CNIH3: variants seen among roughly 807,000 people sequenced by gnomAD.
CNIH3 encodes the protein protein cornichon homolog 3.
CNIH3 carries 14 observed loss-of-function variants against 24.1 expected under a neutral mutation model. That is an observed-to-expected ratio of 0.58 (90% confidence interval 0.38 to 0.91). CNIH3 has a LOEUF of 0.91. Among genes scored for constraint, CNIH3 ranks in the 40% least tolerant of loss-of-function variants. The probability of loss-of-function intolerance (pLI) is 0.00; values close to 1 mark genes in which losing one functional copy is unlikely to be tolerated. For missense variants in CNIH3, 178 were observed against 196.8 expected (o/e 0.90, Z 0.57); for synonymous variants, 68 against 73.8 (o/e 0.92, Z 0.40).
rs1681180604 is a variant in CNIH3 at position 224,579,474 on chromosome 1, G to A, written n.517-3690G>A. Among the ~76,000 whole-genome samples the A allele has an allele frequency of 2.6e-5, 4 of 152,302 alleles. No homozygotes were observed. The South Asian group carries it at 8.3e-4, about 32-fold the overall frequency. Reference sequence around the variant, plus strand: ...AGTATCTCTAGGTCATTTGTATTGGGATCTGATTCTGCAAGGAAGGCTCCT... The same window carrying A: ...AGTATCTCTAGGTCATTTGTATTGGAATCTGATTCTGCAAGGAAGGCTCCT... On this transcript the variant is annotated intron_variant and non_coding_transcript_variant, in intron 4 of 5. Transcript: ENST00000471578.
intron 1 of CNIH3, among the ~76,000 whole-genome samples, chr1:224,482,697 A>G (rs4654045): frequency 0.84 from 127,123 of 151,656 alleles, 53,639 homozygotes; most frequent in East Asian, 0.97. Flanking sequence ...GAGCTGTACT[A>G]CCTAGTTTTG....
intron 2 of CNIH3, among the ~76,000 whole-genome samples, chr1:224,530,924 A>T (rs1020267590): frequency 2.0e-5 from 3 of 152,206 alleles, no homozygotes; most frequent in African/African-American, 7.2e-5. Context: ...CTGTAAACCC[A>T]GCATTATTTC....
chr1:224,608,484 C>T (rs773164240), intron 3 of CNIH3, among the ~76,000 whole-genome samples: 3 of 152,108 alleles, frequency 2.0e-5, no homozygotes, highest in Non-Finnish European at 2.9e-5. Context: ...ATTGAGCAAG[C>T]AGGGGGTGCG....
intron 3 of CNIH3, among the ~76,000 whole-genome samples, chr1:224,599,646 CT>C (rs1175125723): frequency 2.0e-5 from 3 of 151,598 alleles, no homozygotes; most frequent in African/African-American, 4.8e-5. Flanking sequence ...TTTATAATTG[CT>C]TTGTTTCAAG....
chr1:224,511,613 T>C (rs1440662614), upstream of CNIH3, among the ~76,000 whole-genome samples: 2 of 152,042 alleles, frequency 1.3e-5, no homozygotes, highest in Admixed American at 1.3e-4. Flanking sequence ...TCCTAGCATG[T>C]TGGGAGGCTG....
chr1:224,714,776 G>A lies in CNIH3; in HGVS notation c.199-15686G>A, dbSNP rs139340098. 3.7e-4 allele frequency among the ~76,000 whole-genome samples: 57 copies of A among 152,294 alleles called. 1 individual carries two copies. In the East Asian group the frequency reaches 6.8e-3, roughly 18 times the overall value. The stretch of plus-strand genomic sequence containing the variant: ...GATTAAGTCATTATTGAACACCTAC[G>A]CTAGGACCCATGACAGCCACATCCC... On this transcript the variant is annotated intron_variant, in intron 3 of 5. Transcript: ENST00000272133.
intron 2 of CNIH3, among the ~76,000 whole-genome samples, chr1:224,532,933 A>T (rs557079877): frequency 6.6e-6 from 1 of 152,322 alleles, no homozygotes; most frequent in South Asian, 2.1e-4. Flanking sequence ...GCTCAGGAAG[A>T]TTCAGTAGAG....
chr1:224,590,017 C>A (rs1681682929), downstream of CNIH3, among the ~76,000 whole-genome samples: 1 of 152,146 alleles, frequency 6.6e-6, no homozygotes, highest in Admixed American at 6.5e-5. Flanking sequence ...GATGGGATTA[C>A]AGGCATGAGC....
At chr1:224,472,549 C>T (rs554226585) in intron 1 of CNIH3, among the ~76,000 whole-genome samples, 1 of 152,260 alleles carries the variant, frequency 6.6e-6, no homozygotes, top group South Asian at 2.1e-4. Context: ...GAAAACCAAA[C>T]ATTATATATT....
chr1:224,470,562 C>G (rs1308921750), intron 1 of CNIH3, among the ~76,000 whole-genome samples: 1 of 151,670 alleles, frequency 6.6e-6, no homozygotes, highest in East Asian at 1.9e-4. Context: ...TCAAGTGACC[C>G]TTCTGCCTCG....
intron 4 of CNIH3, among the ~76,000 whole-genome samples, chr1:224,573,252 A>T (rs894694646): frequency 6.6e-6 from 1 of 152,038 alleles, no homozygotes; most frequent in Non-Finnish European, 1.5e-5. Context: ...TTGTTTTTCT[A>T]TTCTCTATTT....
chr1:224,551,059 G>A (rs1558151867), intron 3 of CNIH3, among the ~76,000 whole-genome samples: 1 of 152,022 alleles, frequency 6.6e-6, no homozygotes, highest in African/African-American at 2.4e-5. Flanking sequence ...TCATTAAAAA[G>A]TCAGGAAACA....
intron 3 of CNIH3, among the ~76,000 whole-genome samples, chr1:224,603,217 A>G (rs1682279919): frequency 6.6e-6 from 1 of 152,230 alleles, no homozygotes; most frequent in African/African-American, 2.4e-5. Flanking sequence ...ATGAACATAG[A>G]GTAGCTCCTG....
chr1:224,477,756 A>G (rs751620222), intron 1 of CNIH3, among the ~76,000 whole-genome samples: 2 of 152,120 alleles, frequency 1.3e-5, no homozygotes, highest in African/African-American at 2.4e-5. Context: ...GTTACCAGAG[A>G]GTTTTGTACC....
In CNIH3 at chr1:224,619,272, G is replaced by C. The variant is rs183374272; in HGVS notation, c.81+2017G>C. 2.8e-3 allele frequency among the ~76,000 whole-genome samples: 429 copies of C among 152,320 alleles called. 3 individuals carry two copies. Among genetic ancestry groups the C allele is most frequent in the South Asian group, 0.017 (80 of 4,826 alleles). ...TGGTTTGTGCAGCTGGTTGACATTTGAATGAAAATCAGGTGTTCCCTCATC... is the reference window on the plus strand; with the variant it reads ...TGGTTTGTGCAGCTGGTTGACATTTCAATGAAAATCAGGTGTTCCCTCATC... On this transcript the variant is annotated intron_variant, in intron 1 of 5. Transcript: ENST00000272133.
At chr1:224,517,560 A>AT (rs1463685186) in intron 1 of CNIH3, among the ~76,000 whole-genome samples, 1 of 151,904 alleles carries the variant, frequency 6.6e-6, no homozygotes, top group Non-Finnish European at 1.5e-5. Context: ...GATTTCTGAG[A>AT]TTTTGATGCA....
intron 1 of CNIH3, among the ~76,000 whole-genome samples, chr1:224,442,803 T>G (rs1674976005): frequency 6.6e-6 from 1 of 152,182 alleles, no homozygotes; most frequent in African/African-American, 2.4e-5. Flanking sequence ...TTACATGACT[T>G]TTTGGAGACG....
downstream of CNIH3, among the ~76,000 whole-genome samples, chr1:224,540,427 G>C (rs1323002349): frequency 6.6e-6 from 1 of 152,270 alleles, no homozygotes. Flanking sequence ...GTTTAAATGG[G>C]ACATTTTTAG....
At chr1:224,678,982 C>T (rs576581096) in intron 1 of CNIH3, among the ~76,000 whole-genome samples, 11 of 151,966 alleles carry the variant, frequency 7.2e-5, no homozygotes, top group East Asian at 3.9e-4. Flanking sequence ...TCAACCCTGC[C>T]GTTGTGCAAA....
Sources: allele counts gnomAD v4.1 joint callset (sites outside exome capture counted in the v4.1 genomes callset), GRCh38; gene constraint gnomAD v4.1.1; transcripts MANE v1.5; gene names NCBI Gene and HGNC (gene_info 2026-07-23, HGNC 2026-07-21).